The following AGBL1 variants were observed in gnomAD, a reference collection of about 807,000 sequenced individuals.
AGBL1 encodes cytosolic carboxypeptidase 4.
Under a neutral mutation model 118.9 loss-of-function variants are expected in AGBL1, and 130 were observed. That is an observed-to-expected ratio of 1.09 (90% confidence interval 0.95 to 1.26). The LOEUF is 1.26. AGBL1 is among the 50% of genes most tolerant of loss of function. AGBL1 has a pLI of 0.00. For missense variants in AGBL1, 1,584 were observed against 1,298.1 expected, an observed-to-expected ratio of 1.22 and a Z score of -3.38; for synonymous variants, 555 against 478.9, an observed-to-expected ratio of 1.16 and a Z score of -2.08.
At chr15:86,302,161 T>C (rs113053997) in intron 17 of AGBL1, among the ~76,000 whole-genome samples, 5 of 152,224 alleles carry the variant, frequency 3.3e-5, no homozygotes, top group African/African-American at 1.2e-4. Flanking sequence ...TCCTTCCTCC[T>C]TCTAAGGCTG....
chr15:86,803,233 G>A (rs372612881), intron 22 of AGBL1, among the ~76,000 whole-genome samples: 56 of 152,156 alleles, frequency 3.7e-4, no homozygotes, highest in African/African-American at 1.1e-3. Context: ...TGTTTCTCCC[G>A]TGCTGTTCTT....
Position 86,365,001 on chromosome 15 carries a change from A to ATATATATATATATG in AGBL1, c.2375-32357_2375-32356insTATATGTATATATA, listed in dbSNP as rs2080864465. 2.1e-4 allele frequency among the ~76,000 whole-genome samples: 28 copies of ATATATATATATATG among 131,960 alleles called. 1 individual carries two copies. Among genetic ancestry groups the ATATATATATATATG allele is most frequent in the South Asian group, 7.0e-4 (3 of 4,266 alleles). 86.6% of individuals were successfully genotyped at this position (131,960 alleles called of 152,430 possible). On this transcript the variant is annotated intron_variant, in intron 17 of 22. Transcript: ENST00000614907. ...TATATATATATATACACACACACAT[A>ATATATATATATATG]TATATATACACACACATATATATAT...
intron 18 of AGBL1, among the ~76,000 whole-genome samples, chr15:86,496,464 CT>C (rs1186474875): frequency 6.6e-6 from 1 of 151,872 alleles, no homozygotes; most frequent in African/African-American, 2.4e-5. Context: ...GATGATATAG[CT>C]TTTTTAAAAG....
chr15:86,291,365 C>A (rs926304152), intron 16 of AGBL1, among the ~76,000 whole-genome samples: 1 of 67,260 alleles, frequency 1.5e-5, no homozygotes, highest in Non-Finnish European at 3.4e-5. Context: ...TTTATTTATG[C>A]ACACACACAG....
At chr15:86,158,864 A>C (rs1185428910) in intron 4 of AGBL1, 69 bp from the exon 5 acceptor site, 1 of 1,389,384 alleles carries the variant, frequency 7.2e-7, no homozygotes, top group Non-Finnish European at 1.0e-6. Flanking sequence ...TAAAGGAGTC[A>C]ATCCAAGTTG....
chr15:86,210,276 C>A (rs915733739), intron 5 of AGBL1, among the ~76,000 whole-genome samples: 1 of 152,098 alleles, frequency 6.6e-6, no homozygotes, highest in East Asian at 1.9e-4. Context: ...CCTTGGCGAA[C>A]CTGACAATTA....
intron 23 of AGBL1, among the ~76,000 whole-genome samples, chr15:86,969,479 A>G (rs968393271): frequency 1.3e-5 from 2 of 152,062 alleles, no homozygotes; most frequent in African/African-American, 4.8e-5. Context: ...CAGTGAGGAT[A>G]CATGCATATG....
intron 18 of AGBL1, among the ~76,000 whole-genome samples, chr15:86,425,826 C>G (rs2081859929): frequency 6.6e-6 from 1 of 152,058 alleles, no homozygotes; most frequent in African/African-American, 2.4e-5. Context: ...CTGGATAATT[C>G]TAAAAGTAGG....
At chr15:86,947,533 G>A (rs1270492315) in intron 23 of AGBL1, among the ~76,000 whole-genome samples, 3 of 152,150 alleles carry the variant, frequency 2.0e-5, no homozygotes, top group African/African-American at 7.2e-5. Flanking sequence ...GGATTGCTGA[G>A]CTAATTCCAG....
At chr15:87,004,847 C>T (rs2081481654) in intron 24 of AGBL1, among the ~76,000 whole-genome samples, 1 of 152,170 alleles carries the variant, frequency 6.6e-6, no homozygotes, top group Non-Finnish European at 1.5e-5. Flanking sequence ...TTCCTTTCCA[C>T]ATTTAGTGCT....
intron 24 of AGBL1, among the ~76,000 whole-genome samples, chr15:86,991,950 C>T (rs2081339943): frequency 6.6e-6 from 1 of 152,148 alleles, no homozygotes; most frequent in Non-Finnish European, 1.5e-5. Context: ...ATAGTAGATA[C>T]TGTTGGTCTG....
chr15:86,436,691 C>A (rs2082004430), intron 18 of AGBL1, among the ~76,000 whole-genome samples: 1 of 152,140 alleles, frequency 6.6e-6, no homozygotes, highest in Non-Finnish European at 1.5e-5. Context: ...TGTTGACAAC[C>A]ATGATTTCAA....
At chr15:86,860,276 C>A (rs994323929) in intron 22 of AGBL1, among the ~76,000 whole-genome samples, 2 of 152,070 alleles carry the variant, frequency 1.3e-5, no homozygotes, top group East Asian at 3.9e-4. Flanking sequence ...GTGCCCAGCA[C>A]ATGGTGAGTT....
chr15:86,149,420 G>A (rs1448079645), intron 3 of AGBL1, among the ~76,000 whole-genome samples: 2 of 152,114 alleles, frequency 1.3e-5, no homozygotes, highest in African/African-American at 4.8e-5. Context: ...TCAAAATAAA[G>A]GGATGGAAGA....
intron 22 of AGBL1, among the ~76,000 whole-genome samples, chr15:86,678,968 CGTAGCTTTTAATACT>C (rs1193968162): frequency 6.6e-6 from 1 of 152,004 alleles, no homozygotes; most frequent in African/African-American, 2.4e-5. Flanking sequence ...GCCAAGAGCA[CGTAGCTTTTAATACT>C]GTAGCTTTGT....
chr15:86,144,352 A>G lies in AGBL1; in HGVS notation c.262+507A>G, dbSNP rs143206557. On this transcript the variant is annotated intron_variant, in intron 3 of 22. Coordinates refer to ENST00000614907, the MANE Select transcript of AGBL1 (RefSeq NM_001386094.1). Reference sequence around the variant, plus strand: ...AAAGGAATAGAAATAATTCTATTATAAAGACACCTGCATGCATTTGTTCAT... The same window carrying G: ...AAAGGAATAGAAATAATTCTATTATGAAGACACCTGCATGCATTTGTTCAT... Among the ~76,000 whole-genome samples, 522 of 152,332 alleles carry G rather than the reference A, an allele frequency of 3.4e-3. 16 individuals carry two copies. The highest frequency in any genetic ancestry group is 5.9e-4 in the Non-Finnish European group (40 of 68,034).
intron 21 of AGBL1, among the ~76,000 whole-genome samples, chr15:86,642,565 G>T (rs919194036): frequency 6.6e-6 from 1 of 151,544 alleles, no homozygotes; most frequent in African/African-American, 2.4e-5. Flanking sequence ...TAAACAACAT[G>T]CAACTTTTGT....
In AGBL1 at chr15:86,215,221, A is replaced by ATGTGTGTG. The variant is rs766862249; in HGVS notation, c.489-9691_489-9690insTGTGTGTG. On this transcript the variant is annotated intron_variant, in intron 5 of 22. Transcript: ENST00000614907. ...TGTGTGTGTGTGTGAGTGTATATGTATGCGTGTGTGTGTGTGTGTGTGTGT... is the reference window on the plus strand; with the variant it reads ...TGTGTGTGTGTGTGAGTGTATATGTATGTGTGTGTGCGTGTGTGTGTGTGTGTGTGTGT... Among the ~76,000 whole-genome samples the ATGTGTGTG allele has an allele frequency of 4.7e-4, 59 of 124,768 alleles. No individual in the cohort carries two copies. The South Asian group carries it at 9.0e-3, about 19-fold the overall frequency. The allele number at this position is 124,768 out of a possible 152,430, so 81.9% of individuals were successfully genotyped here. A position where few individuals can be genotyped will look rare whatever the true frequency, so the allele number is the denominator to read the frequency against.
intron 1 of AGBL1, among the ~76,000 whole-genome samples, chr15:86,093,673 C>T (rs1896174501): frequency 6.6e-6 from 1 of 152,216 alleles, no homozygotes; most frequent in East Asian, 1.9e-4. Context: ...GCAGATTAGA[C>T]TTGGCCAAAG....
Sources: allele counts gnomAD v4.1 joint callset (sites outside exome capture counted in the v4.1 genomes callset), GRCh38; gene constraint gnomAD v4.1.1; transcripts MANE v1.5; gene names NCBI Gene and HGNC (gene_info 2026-07-23, HGNC 2026-07-21).